Variants in SLC7A5 observed in about 807,000 individuals in gnomAD.
The protein encoded by SLC7A5 is large neutral amino acids transporter small subunit 1.
In SLC7A5, 23 loss-of-function variants were observed where a neutral mutation model predicts 50.2. The observed-to-expected ratio is 0.46, with a 90% CI of 0.33 to 0.65. The LOEUF (loss-of-function observed/expected upper bound fraction) is 0.65. Among genes scored for constraint, SLC7A5 ranks in the 30% least tolerant of loss-of-function variants. SLC7A5 has a pLI of 0.02. For synonymous variants in SLC7A5, 393 were observed against 330.6 expected (o/e 1.19, Z -2.05); for missense variants, 578 against 684.4 (o/e 0.84, Z 1.73).
intron 7 of SLC7A5, chr16:87,837,445 C>A (rs1481867876): frequency 7.7e-6 from 2 of 258,514 alleles, no homozygotes; most frequent in Non-Finnish European, 1.5e-5. Context: ...TGTGACACAG[C>A]CAGAGGGAAC....
At position 87,860,955 on chromosome 16, in the gene SLC7A5, G is replaced by A. The variant is rs8061713; in HGVS notation, c.538+7930C>T. 0.025 allele frequency among the ~76,000 whole-genome samples: 3,824 copies of A among 152,330 alleles called. 118 individuals carry two copies. Among genetic ancestry groups the A allele is most frequent in the Non-Finnish European group, 0.032 (2,166 of 68,032 alleles). On this transcript the variant is annotated intron_variant, in intron 1 of 9. Transcript: ENST00000261622. This position sits in a 1 kb window ranked among gnomAD's most constrained non-coding sequence, Gnocchi z 4.8. ...CGCACGTGCTGTGGCCACCCCGGAG[G>A]GTCCGCCTTCCAGAGGGAGAATTCA...
rs183702984 is a variant in SLC7A5 at position 87,864,824 on chromosome 16, A to G, written c.538+4061T>C. ...ATGTAACAGACATTGTGGACTTCCC[A>G]AGTAAAAAGCACTTAAACACCCACG... is the stretch of plus-strand genomic sequence containing the variant. On this transcript the variant is annotated intron_variant, in intron 1 of 9. Transcript: ENST00000261622. Among the ~76,000 whole-genome samples, 181 of 152,328 alleles carry G rather than the reference A, an allele frequency of 1.2e-3. 1 individual carries two copies. The highest frequency in any genetic ancestry group is 4.0e-3 in the African/African-American group (165 of 41,582).
At chr16:87,867,043 A>T (rs2143840297) in intron 1 of SLC7A5, among the ~76,000 whole-genome samples, 1 of 151,444 alleles carries the variant, frequency 6.6e-6, no homozygotes, top group Non-Finnish European at 1.5e-5. Flanking sequence ...CCTCAGACTC[A>T]TAAGCAGCTG....
In SLC7A5 at chr16:87,834,611, C is replaced by T. The variant is rs1389356884; in HGVS notation, c.1291-20G>A. 1.9e-6 allele frequency: 3 copies of T among 1,570,292 alleles called. No individual in the cohort carries two copies. The highest frequency in any genetic ancestry group is 4.6e-5 in the East Asian group (2 of 43,282). On this transcript the variant is annotated intron_variant, in intron 8 of 9. Transcript: ENST00000261622. The stretch of plus-strand genomic sequence containing the variant: ...GTTCACCTGGGGCAGAGGACAGGGC[C>T]TGGGTGAGCCCTCTCCTGTCCAGCC...
intron 1 of SLC7A5, among the ~76,000 whole-genome samples, chr16:87,867,529 C>T (rs2055478525): frequency 6.6e-6 from 1 of 152,128 alleles, no homozygotes; most frequent in African/African-American, 2.4e-5. Flanking sequence ...TCGGGGCATT[C>T]TCACATTTAT....
intron 8 of SLC7A5, among the ~76,000 whole-genome samples, chr16:87,835,824 G>A (rs1449562943): frequency 6.6e-6 from 1 of 152,174 alleles, no homozygotes; most frequent in Non-Finnish European, 1.5e-5. Context: ...CCCAGGCTTC[G>A]GGAACACAGA....
chr16:87,834,840 C>T (rs904015932), intron 8 of SLC7A5, among the ~76,000 whole-genome samples: 2 of 152,228 alleles, frequency 1.3e-5, no homozygotes, highest in Non-Finnish European at 2.9e-5. Flanking sequence ...ACAGCTTCGT[C>T]TCCCGAGGCC....
Position 87,830,524 on chromosome 16 carries a change from A to G in SLC7A5, c.*2446T>C, listed in dbSNP as rs1018598118. On this transcript the variant is annotated 3_prime_UTR_variant, in exon 10 of 10. Coordinates refer to ENST00000261622, the MANE Select transcript of SLC7A5 (RefSeq NM_003486.7). ...GCCCTGGTCCCTGTGGAATTCCAGCACAGCAGGAGGGGGAGGGGGAAGCAG... is the reference window on the plus strand; with the variant it reads ...GCCCTGGTCCCTGTGGAATTCCAGCGCAGCAGGAGGGGGAGGGGGAAGCAG... The G allele has an allele frequency of 2.0e-5, 3 of 152,438 alleles. No homozygotes were observed. Among genetic ancestry groups the G allele is most frequent in the Non-Finnish European group, 4.4e-5 (3 of 68,198 alleles). The allele number at this position is 152,438 out of a possible 1,614,324, so 9.4% of individuals were successfully genotyped here.
rs1782061110 is a variant in SLC7A5, at chr16:87,861,061, C to T, written c.538+7824G>A. The stretch of plus-strand genomic sequence containing the variant: ...GGGCAGCAGCGGGAAGAGGGTGCTG[C>T]CACAGGGCCTCTGGGGAGCGTGCGG... On this transcript the variant is annotated intron_variant, in intron 1 of 9. Coordinates refer to ENST00000261622, the MANE Select transcript of SLC7A5 (RefSeq NM_003486.7). This position sits in a 1 kb window ranked among gnomAD's most constrained non-coding sequence, Gnocchi z 4.2. Among the ~76,000 whole-genome samples, 1 of 152,212 alleles carries T rather than the reference C, an allele frequency of 6.6e-6. No homozygotes were observed. The highest frequency in any genetic ancestry group is 2.1e-4 in the South Asian group (1 of 4,834).
intron 8 of SLC7A5, 199 bp from the exon 9 acceptor site, chr16:87,834,790 G>A (rs773518751): frequency 2.1e-5 from 13 of 628,720 alleles, no homozygotes; most frequent in Admixed American, 5.0e-5. Context: ...TGGGCATGTT[G>A]CCAGGGGCTC....
chr16:87,861,665 C>T lies in SLC7A5; in HGVS notation c.538+7220G>A, dbSNP rs561708893. On this transcript the variant is annotated intron_variant, in intron 1 of 9. Coordinates refer to ENST00000261622, the MANE Select transcript of SLC7A5 (RefSeq NM_003486.7). This position sits in a 1 kb window ranked among gnomAD's most constrained non-coding sequence, Gnocchi z 4.2. ...TGGCTCTCAACCTGGCCTGGGCCCC[C>T]GGGGGTCTGCGCAACCCACCCTTCT... Among the ~76,000 whole-genome samples the T allele has an allele frequency of 1.3e-3, 201 of 152,304 alleles. No homozygotes were observed. The highest frequency in any genetic ancestry group is 2.3e-3 in the Non-Finnish European group (158 of 68,026).
chr16:87,863,325 C>T (rs1361005926), intron 1 of SLC7A5, among the ~76,000 whole-genome samples: 7 of 152,080 alleles, frequency 4.6e-5, no homozygotes, highest in Non-Finnish European at 7.4e-5. Flanking sequence ...CACAGTGGAC[C>T]GGGACTTTGA....
intron 8 of SLC7A5, among the ~76,000 whole-genome samples, chr16:87,835,566 C>T (rs61665970): frequency 0.039 from 5,988 of 152,284 alleles, 361 homozygotes; most frequent in African/African-American, 0.14. Context: ...CTCGGCCTCC[C>T]AGGTTCATGC....
At position 87,853,032 on chromosome 16, in the gene SLC7A5, T is replaced by A. The variant is rs748946216; in HGVS notation, c.539-1183A>T. Among the ~76,000 whole-genome samples the A allele has an allele frequency of 6.6e-6, 1 of 152,124 alleles. No individual in the cohort carries two copies. The highest frequency in any genetic ancestry group is 1.9e-4 in the East Asian group (1 of 5,196). On this transcript the variant is annotated intron_variant, in intron 1 of 9. Transcript: ENST00000261622. The surrounding 1 kb of genome is among the most constrained non-coding windows in gnomAD (Gnocchi z 4.4). ...GCACGGGCCACCCACACAGCTCAGATCTCACAGCCCTCCCGGCACCGCACC... is the reference window on the plus strand; with the variant it reads ...GCACGGGCCACCCACACAGCTCAGAACTCACAGCCCTCCCGGCACCGCACC...
In SLC7A5 at chr16:87,868,900, C is replaced by A; in HGVS notation, c.523G>T (p.Ala175Ser). ...CCGTACTCACGCACGCAGAGGCAGG[C>A]CACGAGCTTGGCTGCCTCCTCGGGC... Reference protein sequence around the residue: ...PVPEEAAKLVACLCVLLLTAV... With the variant: ...PVPEEAAKLVSCLCVLLLTAV... Residue 175 changes from alanine (A) to serine (S), a missense_variant, in exon 1 of 10, where the codon GCC becomes TCC. Coordinates refer to ENST00000261622, the MANE Select transcript of SLC7A5 (RefSeq NM_003486.7). The A allele has an allele frequency of 6.2e-7, 1 of 1,608,526 alleles. No homozygotes were observed.
chr16:87,855,229 C>T (rs992876392), intron 1 of SLC7A5, among the ~76,000 whole-genome samples: 2 of 152,182 alleles, frequency 1.3e-5, no homozygotes, highest in Admixed American at 1.3e-4. Context: ...TGGGGCGTCC[C>T]GGGGAGGTTG....
At chr16:87,835,414 C>A (rs1021579195) in intron 8 of SLC7A5, among the ~76,000 whole-genome samples, 2 of 152,256 alleles carry the variant, frequency 1.3e-5, no homozygotes, top group African/African-American at 4.8e-5. Flanking sequence ...CCATGTAGGG[C>A]GGCTCCTCCC....
chr16:87,838,920 C>T, intron 5 of SLC7A5, 103 bp from the exon 6 acceptor site: 2 of 831,176 alleles, frequency 2.4e-6, no homozygotes, highest in South Asian at 1.4e-5. Flanking sequence ...GCCCTCTGTG[C>T]TCACAAGAGC....
chr16:87,834,321 G>T, intron 9 of SLC7A5, 93 bp downstream of exon 9: 2 of 1,265,874 alleles, frequency 1.6e-6, no homozygotes, highest in Non-Finnish European at 2.3e-6. Flanking sequence ...AACACGCTTC[G>T]CCCCATGTGG....
Sources: allele counts gnomAD v4.1 joint callset (sites outside exome capture counted in the v4.1 genomes callset), GRCh38; gene constraint gnomAD v4.1.1; non-coding constraint Gnocchi (gnomAD v3.1); transcripts MANE v1.5; gene names NCBI Gene and HGNC (gene_info 2026-07-23, HGNC 2026-07-21).